Variants in VPS13D observed in about 807,000 individuals in gnomAD.
The protein encoded by VPS13D is vacuolar protein sorting 13 homolog D, also known as intermembrane lipid transfer protein VPS13D.
Under a neutral mutation model 461.9 loss-of-function variants are expected in VPS13D, and 187 were observed. That is an observed-to-expected ratio of 0.40 (90% CI 0.36 to 0.46). The LOEUF is 0.46. Among genes scored for constraint, VPS13D ranks in the 20% least tolerant of loss-of-function variants. The pLI, the probability that VPS13D is intolerant of heterozygous loss-of-function variation, is 0.60. For missense variants in VPS13D, 4,711 were observed against 5,364.9 expected (o/e 0.88, Z 3.81); for synonymous variants, 1,951 against 1,986.3 (o/e 0.98, Z 0.47).
Position 12,506,918 on chromosome 1 carries a change from T to A in VPS13D, c.12860T>A (p.Leu4287Gln), listed in dbSNP as rs1204692504. Residue 4287 changes from leucine to glutamine, a missense_variant, in exon 69 of 70, where the codon CTG becomes CAG. Coordinates refer to ENST00000620676, the MANE Select transcript of VPS13D (RefSeq NM_015378.4). ...ATCTCCTCCAAAGCTGTTTACTTCC[T>A]GAAAAGTGGAGACTACGTGGATCGA... ...VLISSKAVYF[L>Q]KSGDYVDREA... The A allele has an allele frequency of 6.2e-7, 1 of 1,614,274 alleles. No homozygotes were observed. Among genetic ancestry groups the A allele is most frequent in the Non-Finnish European group, 8.5e-7 (1 of 1,180,052 alleles).
intron 31 of VPS13D, 152 bp from the exon 32 acceptor site, chr1:12,319,345 C>A: frequency 1.9e-6 from 2 of 1,070,852 alleles, no homozygotes; most frequent in Non-Finnish European, 2.7e-6. Flanking sequence ...TTCAGGATGA[C>A]ACTGTTAGTA....
intron 56 of VPS13D, 25 bp from the exon 57 acceptor site, chr1:12,379,463 G>A: frequency 6.2e-7 from 1 of 1,605,546 alleles, no homozygotes; most frequent in Non-Finnish European, 8.5e-7. Context: ...AGGTTTCATG[G>A]TTCATTGTGT....
At chr1:12,282,642 T>C in intron 20 of VPS13D, 63 bp from the exon 21 acceptor site, 3 of 1,448,662 alleles carry the variant, frequency 2.1e-6, no homozygotes, top group South Asian at 1.3e-5. Flanking sequence ...TAGACATTTA[T>C]GGGCATTACA....
At chr1:12,329,426 A>G (rs1256898871) in intron 36 of VPS13D, among the ~76,000 whole-genome samples, 1 of 151,820 alleles carries the variant, frequency 6.6e-6, no homozygotes, top group African/African-American at 2.4e-5. Flanking sequence ...GTTGGCCAGG[A>G]TGGTCTCAAT....
intron 64 of VPS13D, 54 bp from the exon 65 acceptor site, chr1:12,416,606 T>G (rs1644797706): frequency 1.9e-6 from 3 of 1,567,382 alleles, no homozygotes; most frequent in Non-Finnish European, 2.6e-6. Context: ...CACTGGTATC[T>G]GCAAATATAA....
rs1645323263 is a variant in VPS13D at position 12,456,111 on chromosome 1, C to T, written c.12447C>T (p.Gly4149=). Residue 4149 remains glycine, a synonymous_variant, in exon 66 of 70, where the codon GGC becomes GGT. Coordinates refer to ENST00000620676, the MANE Select transcript of VPS13D (RefSeq NM_015378.4). ...CAAGTGGTGAACACCTTGTAGCCGG[C>T]ATCCATGGCCTGGCTCATGGTAAGT... ...AATSGEHLVA[G]IHGLAHGIIG... 6.2e-7 allele frequency: 1 copy of T among 1,612,642 alleles called. No homozygotes were observed. Among genetic ancestry groups the T allele is most frequent in the South Asian group, 1.1e-5 (1 of 90,862 alleles).
At position 12,256,202 on chromosome 1, in the gene VPS13D, A is replaced by G. The variant is rs540195205; in HGVS notation, c.670-131A>G. 9.1e-5 allele frequency: 95 copies of G among 1,045,050 alleles called. 2 individuals are homozygous for G. The South Asian group carries it at 1.5e-3, about 16-fold the overall frequency. 64.7% of individuals were successfully genotyped at this position (1,045,050 alleles called of 1,614,324 possible). On this transcript the variant is annotated intron_variant, in intron 7 of 69. Transcript: ENST00000620676. ...AAAAATGAATAAAAACAAAACAGAC[A>G]AAAATATTTGCCGCTGTGACACAGC...
At chr1:12,333,174 A>G in intron 37 of VPS13D, 52 bp from the exon 38 acceptor site, 7 of 1,589,354 alleles carry the variant, frequency 4.4e-6, no homozygotes, top group Non-Finnish European at 5.1e-6. Flanking sequence ...GTGTTCCCCT[A>G]TAAACTCTTG....
chr1:12,238,960 C>T (rs138191307), intron 2 of VPS13D, among the ~76,000 whole-genome samples: 196 of 152,074 alleles, frequency 1.3e-3, no homozygotes, highest in Middle Eastern at 3.4e-3. Flanking sequence ...AGTCCCTGAT[C>T]TCAGAGGACT....
At chr1:12,422,918 G>C (rs12023918) in intron 65 of VPS13D, among the ~76,000 whole-genome samples, 1 of 151,174 alleles carries the variant, frequency 6.6e-6, no homozygotes, top group Non-Finnish European at 1.5e-5. Flanking sequence ...AGGCACTGCA[G>C]AGAATATGAA....
chr1:12,306,855 A>T (rs1642580197), intron 26 of VPS13D, among the ~76,000 whole-genome samples: 1 of 152,164 alleles, frequency 6.6e-6, no homozygotes, highest in Non-Finnish European at 1.5e-5. Flanking sequence ...TCCTTCTCTT[A>T]GGCAATTCCC....
intron 13 of VPS13D, 22 bp downstream of exon 13, chr1:12,262,102 A>G (rs199740883): frequency 1.9e-6 from 3 of 1,572,990 alleles, no homozygotes; most frequent in South Asian, 1.2e-5. Context: ...CCAAGAAACT[A>G]CCTGCCACTG....
rs1646158294 is a variant in VPS13D, at chr1:12,509,664, G to A, written c.*640G>A. 6.6e-6 allele frequency: 1 copy of A among 152,212 alleles called. No individual in the cohort carries two copies. Among genetic ancestry groups the A allele is most frequent in the Non-Finnish European group, 1.5e-5 (1 of 68,026 alleles). 9.4% of individuals were successfully genotyped at this position (152,212 alleles called of 1,614,324 possible). A position where few individuals can be genotyped will look rare whatever the true frequency, so the allele number is the denominator to read the frequency against. The stretch of plus-strand genomic sequence containing the variant: ...TGGCCCTTCAGAAGGATCTAGGAGA[G>A]GGGCTTGGGAGCCCACTTTTAATTT... On this transcript the variant is annotated 3_prime_UTR_variant, in exon 70 of 70. Coordinates refer to ENST00000620676, the MANE Select transcript of VPS13D (RefSeq NM_015378.4).
chr1:12,288,479 T>G (rs1460112813), intron 22 of VPS13D, among the ~76,000 whole-genome samples, 166 bp downstream of exon 22: 1 of 152,146 alleles, frequency 6.6e-6, no homozygotes, highest in Non-Finnish European at 1.5e-5. Context: ...AAATGCTGGC[T>G]TATGGATCAG....
intron 65 of VPS13D, among the ~76,000 whole-genome samples, chr1:12,455,376 C>T (rs770803197): frequency 3.9e-5 from 6 of 152,222 alleles, no homozygotes; most frequent in Non-Finnish European, 5.9e-5. Context: ...TATGTTCTTA[C>T]CATGATACAG....
chr1:12,477,006 C>T (rs1557463632), intron 67 of VPS13D, among the ~76,000 whole-genome samples: 2 of 152,232 alleles, frequency 1.3e-5, no homozygotes, highest in Admixed American at 6.5e-5. Flanking sequence ...TTGAAACAGA[C>T]CACTGGCTTC....
At chr1:12,308,378 C>A in intron 26 of VPS13D, 53 bp from the exon 27 acceptor site, 1 of 1,589,870 alleles carries the variant, frequency 6.3e-7, no homozygotes, top group Non-Finnish European at 8.6e-7. Context: ...TTAGTGCAAC[C>A]CCTTTTTGGG....
chr1:12,452,971 G>GA (rs1459635348), intron 65 of VPS13D, among the ~76,000 whole-genome samples: 1 of 152,222 alleles, frequency 6.6e-6, no homozygotes, highest in Non-Finnish European at 1.5e-5. Context: ...AGTAAGTTGA[G>GA]ATAGGTGTAG....
chr1:12,418,160 G>A (rs1047413611), intron 65 of VPS13D, among the ~76,000 whole-genome samples: 47 of 152,164 alleles, frequency 3.1e-4, no homozygotes, highest in African/African-American at 1.1e-3. Flanking sequence ...CACCAACCTC[G>A]GCCTTCCAAA....
Sources: allele counts gnomAD v4.1 joint callset (sites outside exome capture counted in the v4.1 genomes callset), GRCh38; gene constraint gnomAD v4.1.1; transcripts MANE v1.5; gene names NCBI Gene and HGNC (gene_info 2026-07-23, HGNC 2026-07-21).